The following HIF3A variants were observed in gnomAD, a reference collection of about 807,000 sequenced individuals.
HIF3A encodes the protein hypoxia inducible factor 3 subunit alpha, also known as hypoxia-inducible factor 3-alpha.
HIF3A carries 41 observed loss-of-function variants against 67.2 expected under a neutral mutation model. The observed-to-expected ratio is 0.61, with a 90% confidence interval of 0.48 to 0.79. The LOEUF is 0.79. Among genes scored for constraint, HIF3A ranks in the 30% least tolerant of loss-of-function variants. The pLI, the probability that HIF3A is intolerant of heterozygous loss-of-function variation, is 0.00. For synonymous variants in HIF3A, 356 were observed against 374.8 expected (o/e 0.95, Z 0.58); for missense variants, 855 against 898.0 (o/e 0.95, Z 0.61).
chr19:46,315,282 G>A lies in HIF3A; in HGVS notation c.1025+2629G>A, dbSNP rs1392926969. Among the ~76,000 whole-genome samples the A allele has an allele frequency of 6.8e-5, 10 of 146,096 alleles. 1 individual carries two copies. The highest frequency in any genetic ancestry group is 2.2e-4 in the Admixed American group (3 of 13,638). On this transcript the variant is annotated intron_variant, in intron 8 of 14. Coordinates refer to ENST00000377670, the MANE Select transcript of HIF3A (RefSeq NM_152795.4). Reference sequence around the variant, plus strand: ...GAGTTTCACCAGATTGGCCAGGCTGGTCTCGAACTCCTGACCTCAGGTGAT... The same window carrying A: ...GAGTTTCACCAGATTGGCCAGGCTGATCTCGAACTCCTGACCTCAGGTGAT...
At chr19:46,308,836 A>G (rs1199979291) in intron 5 of HIF3A, 61 bp downstream of exon 5, 3 of 1,168,114 alleles carry the variant, frequency 2.6e-6, no homozygotes, top group African/African-American at 1.5e-5. Context: ...GCCCTGAAAG[A>G]TCTTGAAGGG....
At chr19:46,332,806 A>T (rs1971331199) in intron 13 of HIF3A, among the ~76,000 whole-genome samples, 1 of 152,150 alleles carries the variant, frequency 6.6e-6, no homozygotes, top group Non-Finnish European at 1.5e-5. Context: ...CAACATGGTG[A>T]AACCCTGTCT....
intron 6 of HIF3A, chr19:46,310,470 C>A: frequency 3.1e-6 from 1 of 321,652 alleles, no homozygotes; most frequent in South Asian, 2.4e-5. Context: ...ATCTCTTTTT[C>A]TCTCCCCCTC....
rs921466380 is a variant in HIF3A at position 46,305,077 on chromosome 19, G to A, written c.218-168G>A. 1.6e-5 allele frequency: 15 copies of A among 932,022 alleles called. No individual in the cohort carries two copies. The African/African-American group carries it at 2.4e-4, about 15-fold the overall frequency. The allele number at this position is 932,022 out of a possible 1,614,324, so 57.7% of individuals were successfully genotyped here. On this transcript the variant is annotated intron_variant, in intron 2 of 14. Coordinates refer to ENST00000377670, the MANE Select transcript of HIF3A (RefSeq NM_152795.4). ...TCTAATTCCAGTGCTTCTTGGTCCT[G>A]CTTTCTTCCTTGGGAATCCAGGCCA...
In HIF3A at chr19:46,333,958, A is replaced by AT. The variant is rs554256971; in HGVS notation, c.1831-939dup. Among the ~76,000 whole-genome samples the AT allele has an allele frequency of 2.6e-3, 389 of 149,954 alleles. 1 individual carries two copies. Among genetic ancestry groups the AT allele is most frequent in the African/African-American group, 8.6e-3 (353 of 40,810 alleles). On this transcript the variant is annotated intron_variant, in intron 13 of 14. Transcript: ENST00000377670. ...CAGGCAGCTGCCACCACGCCTGGTT[A>AT]TTTTTTTTGTATTTTTAGTAGAGAC... is the stretch of plus-strand genomic sequence containing the variant.
chr19:46,338,350 G>A (rs1024388780), intron 14 of HIF3A: 1 of 424,908 alleles, frequency 2.4e-6, no homozygotes, highest in African/African-American at 2.0e-5. Flanking sequence ...CTGCAGCTAT[G>A]TGCCATCATG....
intron 4 of HIF3A, 114 bp downstream of exon 4, chr19:46,308,419 G>C: frequency 1.4e-6 from 1 of 735,800 alleles, no homozygotes; most frequent in South Asian, 1.7e-5. Context: ...CAAGTAGGAA[G>C]AGGAGAGATG....
At chr19:46,305,454 C>T (rs921337391) in intron 3 of HIF3A, 64 bp downstream of exon 3, 298 of 1,494,818 alleles carry the variant, frequency 2.0e-4, no homozygotes, top group Non-Finnish European at 2.4e-4. Flanking sequence ...ACAGTGGTGA[C>T]CAGGACAGCC....
intron 8 of HIF3A, among the ~76,000 whole-genome samples, chr19:46,316,776 C>T (rs1309809896): frequency 6.9e-6 from 1 of 145,148 alleles, no homozygotes; most frequent in African/African-American, 2.5e-5. Flanking sequence ...GCACTCCAGC[C>T]TGGGCGACAG....
Position 46,329,411 on chromosome 19 carries a change from C to T in HIF3A, c.1645C>T (p.Leu549=), listed in dbSNP as rs1568540660. 4 of 1,602,432 alleles carry T rather than the reference C, an allele frequency of 2.5e-6. No homozygotes were observed. The highest frequency in any genetic ancestry group is 3.4e-6 in the Non-Finnish European group (4 of 1,173,436). ...LLPRWGSDPR[L]SCSSPSRGDP... ...ACCCCGCTGGGGGAGTGACCCCCGG[C>T]TGAGCTGCTCCAGCCCTTCCAGAGG... The change falls in exon 12 of 15, where the codon CTG becomes TTG. Residue 549 remains leucine (L), a synonymous_variant. Transcript: ENST00000377670.
At chr19:46,338,898 C>G (rs1471041332) in intron 14 of HIF3A, among the ~76,000 whole-genome samples, 1 of 152,146 alleles carries the variant, frequency 6.6e-6, no homozygotes, top group Admixed American at 6.5e-5. Context: ...TCCAGACAGG[C>G]TTGCCTCACC....
intron 8 of HIF3A, among the ~76,000 whole-genome samples, chr19:46,318,174 A>C (rs1177855280): frequency 6.6e-6 from 1 of 151,600 alleles, no homozygotes; most frequent in African/African-American, 2.4e-5. Context: ...ACGTTGTCCA[A>C]TAAAAGCATG....
At chr19:46,310,429 T>A (rs988519270) in intron 6 of HIF3A, 1 of 277,926 alleles carries the variant, frequency 3.6e-6, no homozygotes, top group African/African-American at 2.2e-5. Context: ...AATAAACTGT[T>A]ATTATTTGTT....
intron 14 of HIF3A, chr19:46,338,298 C>G: frequency 2.2e-6 from 1 of 452,542 alleles, no homozygotes; most frequent in South Asian, 1.6e-5. Context: ...ACCTCCTGGG[C>G]TCAAGTGATC....
rs75351727 is a variant in HIF3A at position 46,310,546 on chromosome 19, G to A, written c.770+1187G>A. On this transcript the variant is annotated intron_variant, in intron 6 of 14. Coordinates refer to ENST00000377670, the MANE Select transcript of HIF3A (RefSeq NM_152795.4). ...TCGCCCTGGTGTCATGCTTAGGAAT[G>A]GTGACTCTGGATTCAGCCTGCTTGA... 2,183 of 454,642 alleles carry A rather than the reference G, an allele frequency of 4.8e-3. 18 individuals carry two copies. Among genetic ancestry groups the A allele is most frequent in the Middle Eastern group, 0.019 (57 of 3,070 alleles). The allele number at this position is 454,642 out of a possible 1,614,324, so 28.2% of individuals were successfully genotyped here.
In HIF3A at chr19:46,308,231, T is replaced by A; in HGVS notation, c.374T>A (p.Ile125Asn). 3 of 1,613,758 alleles carry A rather than the reference T, an allele frequency of 1.9e-6. No individual in the cohort carries two copies. Among genetic ancestry groups the A allele is most frequent in the Non-Finnish European group, 2.5e-6 (3 of 1,179,732 alleles). Residue 125 changes from isoleucine to asparagine, a missense_variant, in exon 4 of 15, where the codon ATT becomes AAT. Coordinates refer to ENST00000377670, the MANE Select transcript of HIF3A (RefSeq NM_152795.4). ...TCTCATCCCTGGCAGCTGGAGCTCA[T>A]TGGACACAGCATCTTTGATTTCATC... ...KHLGLSQLEL[I>N]GHSIFDFIHP...
intron 9 of HIF3A, 57 bp from the exon 10 acceptor site, chr19:46,321,719 T>C: frequency 6.7e-7 from 1 of 1,499,438 alleles, no homozygotes; most frequent in South Asian, 1.2e-5. Context: ...TGGAGGGCTC[T>C]GGCCCTTGGC....
At chr19:46,310,219 C>T (rs187671626) in intron 6 of HIF3A, among the ~76,000 whole-genome samples, 4 of 150,630 alleles carry the variant, frequency 2.7e-5, no homozygotes, top group East Asian at 2.0e-4. Flanking sequence ...AACAAGACTC[C>T]GTCTCGAAAA....
intron 11 of HIF3A, 62 bp from the exon 12 acceptor site, chr19:46,329,145 C>T (rs1970997146): frequency 2.8e-5 from 42 of 1,483,940 alleles, no homozygotes; most frequent in Non-Finnish European, 3.8e-5. Context: ...GGTGCTGGGA[C>T]TTCAGCCAAG....
Sources: gnomAD v4.1 joint callset for allele counts (sites outside exome capture counted in the v4.1 genomes callset) on GRCh38, gnomAD v4.1.1 for gene constraint, MANE v1.5 for transcripts, NCBI Gene and HGNC (gene_info 2026-07-23, HGNC 2026-07-21) for gene names.